Variants in GABRB3 observed in about 807,000 individuals in gnomAD.
GABRB3 encodes gamma-aminobutyric acid receptor subunit beta-3.
GABRB3 carries 14 observed loss-of-function variants against 52.1 expected under a neutral mutation model. The ratio of observed to expected loss-of-function variants is 0.27; its 90% confidence interval spans 0.18 to 0.42. GABRB3 has a LOEUF of 0.42. Ranked by LOEUF, GABRB3 falls within the 10% of genes least tolerant of loss-of-function variation. GABRB3 has a pLI of 1.00. For synonymous variants in GABRB3, 260 were observed against 232.3 expected (o/e 1.12, Z -1.08); for missense variants, 307 against 609.1 (o/e 0.50, Z 5.22).
At chr15:26,616,031 C>A (rs1221366376) in intron 4 of GABRB3, 1 of 1,289,096 alleles carries the variant, frequency 7.8e-7, no homozygotes, top group East Asian at 5.5e-5. Context: ...TCAGCTGTGC[C>A]AGACCTCCTC....
Position 26,676,483 on chromosome 15 carries a change from C to G in GABRB3, c.241-54949G>C, listed in dbSNP as rs573549048. Reference sequence around the variant, plus strand: ...GATCACAGAGACTCAAGGCACTGCACTTGTGTGTGTACACACATATACACA... The same window carrying G: ...GATCACAGAGACTCAAGGCACTGCAGTTGTGTGTGTACACACATATACACA... On this transcript the variant is annotated intron_variant, in intron 3 of 8. Coordinates refer to ENST00000311550, the MANE Select transcript of GABRB3 (RefSeq NM_000814.6). Among the ~76,000 whole-genome samples, 10 of 152,280 alleles carry G rather than the reference C, an allele frequency of 6.6e-5. No individual in the cohort carries two copies. In the South Asian group the frequency reaches 1.9e-3, roughly 28 times the overall value.
chr15:26,543,722 G>A lies in GABRB3; in HGVS notation c.*4071C>T, dbSNP rs577292513. 56 of 152,682 alleles carry A rather than the reference G, an allele frequency of 3.7e-4. No individual in the cohort carries two copies. Among genetic ancestry groups the A allele is most frequent in the African/African-American group, 1.2e-3 (49 of 41,548 alleles). The allele number at this position is 152,682 out of a possible 1,614,324, so 9.5% of individuals were successfully genotyped here. Reference sequence around the variant, plus strand: ...CTTTACAATAAAATGAAATCAACATGAGAATTGATTATGACAGCAATCGCC... The same window carrying A: ...CTTTACAATAAAATGAAATCAACATAAGAATTGATTATGACAGCAATCGCC... On this transcript the variant is annotated 3_prime_UTR_variant, in exon 9 of 9. Transcript: ENST00000311550.
intron 3 of GABRB3, among the ~76,000 whole-genome samples, chr15:26,769,279 A>C (rs1245426293): frequency 6.6e-6 from 1 of 152,242 alleles, no homozygotes; most frequent in Non-Finnish European, 1.5e-5. Flanking sequence ...GTTTTCAAAA[A>C]TGCATCTATC....
chr15:26,742,481 C>G (rs961066921), intron 3 of GABRB3, among the ~76,000 whole-genome samples: 6 of 151,846 alleles, frequency 4.0e-5, no homozygotes, highest in African/African-American at 1.5e-4. Context: ...TTTTAAAATG[C>G]GCAAGCTTTT....
At chr15:26,710,871 C>A (rs1889270741) in intron 3 of GABRB3, among the ~76,000 whole-genome samples, 1 of 150,962 alleles carries the variant, frequency 6.6e-6, no homozygotes, top group Non-Finnish European at 1.5e-5. Flanking sequence ...GTTGTCTTTT[C>A]ATTTTCTTAA....
intron 3 of GABRB3, among the ~76,000 whole-genome samples, chr15:26,667,295 A>G (rs935446313): frequency 6.6e-6 from 1 of 152,174 alleles, no homozygotes; most frequent in East Asian, 1.9e-4. Context: ...TGTGGGGACC[A>G]TAGATGTTGG....
chr15:26,724,901 C>T (rs1889731619), intron 3 of GABRB3, among the ~76,000 whole-genome samples: 1 of 152,172 alleles, frequency 6.6e-6, no homozygotes, highest in African/African-American at 2.4e-5. Flanking sequence ...ATCAGAATGG[C>T]CATGCAGGCT....
intron 3 of GABRB3, among the ~76,000 whole-genome samples, chr15:26,753,833 T>C (rs1442924377): frequency 6.6e-6 from 1 of 152,130 alleles, no homozygotes; most frequent in Non-Finnish European, 1.5e-5. Context: ...TACACTGGTC[T>C]GGGGCGAGGG....
At chr15:26,669,743 C>T (rs1156429157) in intron 3 of GABRB3, among the ~76,000 whole-genome samples, 1 of 152,136 alleles carries the variant, frequency 6.6e-6, no homozygotes, top group Non-Finnish European at 1.5e-5. Context: ...CTTCCTATTT[C>T]TGCTGTCTTT....
intron 4 of GABRB3, among the ~76,000 whole-genome samples, chr15:26,618,178 A>T (rs1157141538): frequency 2.0e-5 from 3 of 152,178 alleles, no homozygotes; most frequent in African/African-American, 7.2e-5. Flanking sequence ...TAAAGTTCAT[A>T]CGGAACCAAA....
intron 4 of GABRB3, among the ~76,000 whole-genome samples, chr15:26,600,646 C>T (rs146871434): frequency 7.3e-4 from 111 of 152,160 alleles, no homozygotes; most frequent in Non-Finnish European, 1.3e-3. Context: ...CATTTAGAAA[C>T]GACAAAGAAA....
chr15:26,666,757 G>A (rs909579686), intron 3 of GABRB3: 2 of 152,246 alleles, frequency 1.3e-5, no homozygotes, highest in Admixed American at 1.3e-4. Flanking sequence ...GATTTGTGCA[G>A]AAGCAATGTT....
chr15:26,610,874 A>G (rs1892043682), intron 4 of GABRB3, among the ~76,000 whole-genome samples: 2 of 152,214 alleles, frequency 1.3e-5, no homozygotes, highest in South Asian at 4.1e-4. Context: ...TCTGGGTTTT[A>G]TATTTGTCTC....
In GABRB3 at chr15:26,624,292, G is replaced by A. The variant is rs113215223; in HGVS notation, c.241-2758C>T. The A allele has an allele frequency of 3.2e-5, 32 of 985,660 alleles. 1 individual carries two copies. Among genetic ancestry groups the A allele is most frequent in the African/African-American group, 3.1e-4 (18 of 57,362 alleles). The allele number at this position is 985,660 out of a possible 1,614,324, so 61.1% of individuals were successfully genotyped here. On this transcript the variant is annotated intron_variant, in intron 3 of 8. Transcript: ENST00000311550. ...AAAAGGAGGATGTGTTAGTGGTGGC[G>A]ACCACAGAGTTTCTCTACTATCACC...
rs551056594 is a variant in GABRB3 at position 26,602,737 on chromosome 15, C to T, written c.461+18577G>A. On this transcript the variant is annotated intron_variant, in intron 4 of 8. Coordinates refer to ENST00000311550, the MANE Select transcript of GABRB3 (RefSeq NM_000814.6). ...AAATAATAATGGGAACACAACATAC[C>T]AAAACCTATGGTATATAGCAAAAGC... Among the ~76,000 whole-genome samples the T allele has an allele frequency of 2.6e-5, 4 of 151,948 alleles. No homozygotes were observed. The South Asian group carries it at 6.2e-4, about 24-fold the overall frequency.
At chr15:26,671,520 G>A (rs186802872) in intron 3 of GABRB3, among the ~76,000 whole-genome samples, 4 of 152,286 alleles carry the variant, frequency 2.6e-5, no homozygotes, top group African/African-American at 4.8e-5. Flanking sequence ...AGGGCTTCCC[G>A]TTTCGAGAGT....
chr15:26,673,103 A>C (rs1322245448), intron 3 of GABRB3, among the ~76,000 whole-genome samples: 1 of 152,214 alleles, frequency 6.6e-6, no homozygotes, highest in Non-Finnish European at 1.5e-5. Context: ...TCTGGGACTA[A>C]ATTCCAAACA....
intron 3 of GABRB3, among the ~76,000 whole-genome samples, chr15:26,756,697 T>C (rs574265406): frequency 8.4e-5 from 8 of 95,334 alleles, no homozygotes; most frequent in South Asian, 5.0e-4. Flanking sequence ...AAGTCACATA[T>C]GTGCTATGTA....
intron 3 of GABRB3, among the ~76,000 whole-genome samples, chr15:26,696,546 C>T (rs1888746667): frequency 2.0e-5 from 3 of 152,090 alleles, no homozygotes; most frequent in South Asian, 2.1e-4. Context: ...TGGTATAACC[C>T]CATGTACTCA....
Sources: gnomAD v4.1 joint callset for allele counts (sites outside exome capture counted in the v4.1 genomes callset) on GRCh38, gnomAD v4.1.1 for gene constraint, MANE v1.5 for transcripts, NCBI Gene and HGNC (gene_info 2026-07-23, HGNC 2026-07-21) for gene names.